Variants in ZNF423 observed in about 807,000 individuals in gnomAD.
The protein encoded by ZNF423 is Ebf-associated zinc finger protein.
A neutral mutation model predicts 95.8 loss-of-function variants in ZNF423; 12 were observed. The observed-to-expected ratio is 0.13, with a 90% CI of 0.08 to 0.20. The LOEUF (loss-of-function observed/expected upper bound fraction) is 0.20, where lower values mean the gene tolerates loss of function less well. Ranked by LOEUF, ZNF423 falls within the 10% of genes least tolerant of loss-of-function variation. ZNF423 has a pLI of 1.00. For missense variants in ZNF423, 1,316 were observed against 1,737.1 expected, an observed-to-expected ratio of 0.76 and a Z score of 4.31; for synonymous variants, 749 against 711.9, an observed-to-expected ratio of 1.05 and a Z score of -0.83.
chr16:49,629,900 C>T (rs112768869), intron 4 of ZNF423, among the ~76,000 whole-genome samples: 3,412 of 152,252 alleles, frequency 0.022, 113 homozygotes, highest in African/African-American at 0.078. Context: ...ACTTTTATTA[C>T]GATTATTATT....
intron 5 of ZNF423, among the ~76,000 whole-genome samples, chr16:49,549,314 C>T (rs1969548257): frequency 6.6e-6 from 1 of 152,144 alleles, no homozygotes; most frequent in African/African-American, 2.4e-5. Context: ...GCAACTCAGG[C>T]CATGCCCCAC....
chr16:49,788,876 T>C (rs1027640256), intron 2 of ZNF423, among the ~76,000 whole-genome samples: 2 of 152,222 alleles, frequency 1.3e-5, no homozygotes, highest in African/African-American at 4.8e-5. Flanking sequence ...TCAGTACTCA[T>C]GGGAAGGCTC....
At chr16:49,543,302 G>C (rs948370771) in intron 5 of ZNF423, among the ~76,000 whole-genome samples, 1 of 152,098 alleles carries the variant, frequency 6.6e-6, no homozygotes, top group Non-Finnish European at 1.5e-5. Flanking sequence ...CCCAAGCAGC[G>C]GGCCTTCTCC....
intron 5 of ZNF423, among the ~76,000 whole-genome samples, chr16:49,594,815 A>G (rs1971131297): frequency 6.6e-6 from 1 of 152,220 alleles, no homozygotes. Context: ...CATGATACAC[A>G]GAGGCCACCA....
At chr16:49,557,885 GAGA>G (rs1291709249) in intron 5 of ZNF423, among the ~76,000 whole-genome samples, 1 of 152,114 alleles carries the variant, frequency 6.6e-6, no homozygotes, top group African/African-American at 2.4e-5. Flanking sequence ...GCCAGATCTA[GAGA>G]AGGAGTCTGG....
At chr16:49,789,757 A>C (rs959276400) in intron 1 of ZNF423, among the ~76,000 whole-genome samples, 1 of 152,218 alleles carries the variant, frequency 6.6e-6, no homozygotes, top group African/African-American at 2.4e-5. Context: ...AAGCAAGTTA[A>C]GTGCTGGATC....
At chr16:49,602,876 G>A (rs1272189461) in intron 5 of ZNF423, among the ~76,000 whole-genome samples, 1 of 152,168 alleles carries the variant, frequency 6.6e-6, no homozygotes, top group Non-Finnish European at 1.5e-5. Context: ...CTGACAAACT[G>A]ACCTACAAAG....
intron 1 of ZNF423, among the ~76,000 whole-genome samples, chr16:49,843,093 G>T (rs1252078457): frequency 6.6e-6 from 1 of 152,112 alleles, no homozygotes; most frequent in Non-Finnish European, 1.5e-5. Flanking sequence ...CAGACTTTGT[G>T]GAAGGCAATT....
chr16:49,800,276 A>G (rs141677681), intron 1 of ZNF423, among the ~76,000 whole-genome samples: 151 of 151,798 alleles, frequency 9.9e-4, no homozygotes, highest in African/African-American at 3.4e-3. Flanking sequence ...TTCTGTAGAG[A>G]TGGGGTCTCA....
intron 2 of ZNF423, among the ~76,000 whole-genome samples, chr16:49,746,247 C>A (rs557039229): frequency 1.3e-5 from 2 of 152,142 alleles, no homozygotes; most frequent in Non-Finnish European, 2.9e-5. Flanking sequence ...AAAGGAATCA[C>A]CTGGCCACTG....
In ZNF423 at chr16:49,636,814, C is replaced by T; in HGVS notation, c.2362G>A (p.Ala788Thr). The change falls in exon 4 of 8, where the codon GCT (alanine) becomes ACT (threonine). Residue 788 changes from alanine to threonine, a missense_variant. Physicochemically the swap from Ala to Thr is moderately conservative, Grantham distance 58. Around this residue, in one of 6 missense-constraint regions of ZNF423, gnomAD observed 620 missense variants for 775.6 expected, o/e 0.80. Transcript: ENST00000563137. This position sits in a 1 kb window ranked among gnomAD's most constrained non-coding sequence, Gnocchi z 8.6. ...TCCCCACAGAAGATGCACTTGTGAG[C>T]CTTGGCCGGGTTGCCCAGGTGGCTG... The part of the protein sequence containing the change: ...KHSHLGNPAK[A>T]HKCIFCGETF... 1 of 1,614,118 alleles carries T rather than the reference C, an allele frequency of 6.2e-7. No homozygotes were observed. The highest frequency in any genetic ancestry group is 8.5e-7 in the Non-Finnish European group (1 of 1,180,034).
At chr16:49,795,045 T>A (rs530795633) in intron 1 of ZNF423, among the ~76,000 whole-genome samples, 1 of 152,164 alleles carries the variant, frequency 6.6e-6, no homozygotes. Context: ...CTAAATTTTG[T>A]ATTTGTAGTA....
chr16:49,776,423 G>A (rs2034120689), intron 2 of ZNF423, among the ~76,000 whole-genome samples: 1 of 152,226 alleles, frequency 6.6e-6, no homozygotes, highest in Admixed American at 6.5e-5. Context: ...GCCCAGGCAG[G>A]CCCTGCTCCG....
intron 7 of ZNF423, chr16:49,518,163 T>C (rs1235858002): frequency 7.7e-6 from 3 of 387,764 alleles, no homozygotes; most frequent in Non-Finnish European, 1.5e-5. Flanking sequence ...ACTAAGATAT[T>C]TGCATCCTTG....
intron 7 of ZNF423, among the ~76,000 whole-genome samples, chr16:49,508,981 T>A (rs1289922990): frequency 6.6e-6 from 1 of 152,192 alleles, no homozygotes; most frequent in Non-Finnish European, 1.5e-5. Flanking sequence ...GAAAGCTGTG[T>A]ATCTTAAAAT....
intron 5 of ZNF423, among the ~76,000 whole-genome samples, chr16:49,599,801 A>G (rs1324568074): frequency 2.0e-5 from 3 of 152,192 alleles, no homozygotes; most frequent in Non-Finnish European, 4.4e-5. Context: ...ACACTCAGAA[A>G]CAGGCAAAAC....
At chr16:49,737,998 G>C (rs906913203) in intron 2 of ZNF423, among the ~76,000 whole-genome samples, 1 of 152,216 alleles carries the variant, frequency 6.6e-6, no homozygotes, top group Non-Finnish European at 1.5e-5. Context: ...GATGGAGGCA[G>C]GGGGCCAGGA....
At chr16:49,674,353 A>C (rs1434544300) in intron 3 of ZNF423, among the ~76,000 whole-genome samples, 1 of 152,142 alleles carries the variant, frequency 6.6e-6, no homozygotes, top group Admixed American at 6.5e-5. Context: ...CAGAGCACGC[A>C]GTGTGTTCTC....
chr16:49,605,596 G>A (rs979454102), intron 5 of ZNF423, among the ~76,000 whole-genome samples: 4 of 152,192 alleles, frequency 2.6e-5, no homozygotes, highest in Admixed American at 6.5e-5. Flanking sequence ...CCTTCTGAGC[G>A]ACAGCAGACA....
Sources: gnomAD v4.1 joint callset for allele counts (sites outside exome capture counted in the v4.1 genomes callset) on GRCh38, gnomAD v4.1.1 for gene constraint, gnomAD v4.1.1 regional missense constraint, Gnocchi (gnomAD v3.1) non-coding constraint, MANE v1.5 for transcripts, NCBI Gene and HGNC (gene_info 2026-07-23, HGNC 2026-07-21) for gene names.